Variants in HEMK2 observed in about 807,000 individuals in gnomAD.
HEMK2 encodes the protein methyltransferase HEMK2.
the HEMK2 span, among the ~76,000 whole-genome samples, chr21:28,639,665 T>C: frequency 6.6e-6 from 1 of 152,220 alleles, no homozygotes; most frequent in East Asian, 1.9e-4. Context: ...CCGAGTATCA[T>C]CTATATGACT....
chr21:28,860,070 T>C, the HEMK2 span, among the ~76,000 whole-genome samples: 1 of 152,154 alleles, frequency 6.6e-6, no homozygotes, highest in Non-Finnish European at 1.5e-5. Flanking sequence ...CGATGGTTAA[T>C]ACTGAGTGTC....
At chr21:28,837,170 T>A in the HEMK2 span, among the ~76,000 whole-genome samples, 1 of 152,198 alleles carries the variant, frequency 6.6e-6, no homozygotes, top group African/African-American at 2.4e-5. Context: ...ACAATGGATT[T>A]AAACTATACT....
At chr21:28,607,559 A>G in the HEMK2 span, among the ~76,000 whole-genome samples, 9 of 152,212 alleles carry the variant, frequency 5.9e-5, no homozygotes, top group African/African-American at 2.2e-4. Context: ...ATCCATGCAA[A>G]TATATGACTC....
At chr21:28,833,181 A>G in the HEMK2 span, among the ~76,000 whole-genome samples, 1 of 151,428 alleles carries the variant, frequency 6.6e-6, no homozygotes, top group Non-Finnish European at 1.5e-5. Context: ...ATCCTCTTCT[A>G]TGCAAAAGAA....
the HEMK2 span, among the ~76,000 whole-genome samples, chr21:28,809,030 A>G: frequency 6.6e-6 from 1 of 152,218 alleles, no homozygotes; most frequent in Non-Finnish European, 1.5e-5. Context: ...GCAATAAAGC[A>G]AAATAAAATT....
the HEMK2 span, among the ~76,000 whole-genome samples, chr21:28,722,232 G>T: frequency 6.6e-6 from 1 of 151,524 alleles, no homozygotes; most frequent in Non-Finnish European, 1.5e-5. Flanking sequence ...TGATAAAAGA[G>T]AATACAAAAA....
At chr21:28,691,972 A>C in the HEMK2 span, among the ~76,000 whole-genome samples, 1 of 152,368 alleles carries the variant, frequency 6.6e-6, no homozygotes, top group East Asian at 1.9e-4. Context: ...ACAGAAATGC[A>C]GGAAGCTACT....
chr21:28,771,351 T>C, the HEMK2 span, among the ~76,000 whole-genome samples: 1 of 152,158 alleles, frequency 6.6e-6, no homozygotes, highest in Admixed American at 6.5e-5. Flanking sequence ...CTAGGTCAAA[T>C]GTTCTCAACC....
the HEMK2 span, among the ~76,000 whole-genome samples, chr21:28,578,971 C>T: frequency 6.6e-6 from 1 of 152,144 alleles, no homozygotes; most frequent in Non-Finnish European, 1.5e-5. Flanking sequence ...GGAAAATTGT[C>T]TAAGAGTTGG....
chr21:28,603,053 C>T, the HEMK2 span, among the ~76,000 whole-genome samples: 1 of 152,204 alleles, frequency 6.6e-6, no homozygotes, highest in East Asian at 1.9e-4. Flanking sequence ...ATGGTGAATT[C>T]TCATCTCAAG....
At chr21:28,684,966 T>C in the HEMK2 span, among the ~76,000 whole-genome samples, 2 of 152,230 alleles carry the variant, frequency 1.3e-5, no homozygotes, top group Non-Finnish European at 2.9e-5. Flanking sequence ...AATGTACTAT[T>C]GCAATAGGGA....
the HEMK2 span, among the ~76,000 whole-genome samples, chr21:28,715,303 TA>T: frequency 6.6e-6 from 1 of 152,078 alleles, no homozygotes; most frequent in African/African-American, 2.4e-5. Flanking sequence ...AAGCATCTGT[TA>T]TTTTTTTTTT....
At chr21:28,705,298 A>G in the HEMK2 span, among the ~76,000 whole-genome samples, 1 of 151,622 alleles carries the variant, frequency 6.6e-6, no homozygotes, top group Admixed American at 6.6e-5. Context: ...AATTTCATTG[A>G]TTTGAATAAT....
chr21:28,636,802 T>C, the HEMK2 span, among the ~76,000 whole-genome samples: 1 of 152,200 alleles, frequency 6.6e-6, no homozygotes, highest in Non-Finnish European at 1.5e-5. Context: ...TGCTGTCTCA[T>C]TTGTAATCAG....
the HEMK2 span, among the ~76,000 whole-genome samples, chr21:28,729,076 CA>C: frequency 6.6e-6 from 1 of 152,200 alleles, no homozygotes; most frequent in African/African-American, 2.4e-5. Context: ...AAAGGGCACC[CA>C]AATACTTGTG....
chr21:28,825,195 A>G, the HEMK2 span, among the ~76,000 whole-genome samples: 1 of 152,088 alleles, frequency 6.6e-6, no homozygotes, highest in Non-Finnish European at 1.5e-5. Context: ...GGGCTCTCAA[A>G]CTTGAGTGTG....
At chr21:28,662,976 T>C in the HEMK2 span, among the ~76,000 whole-genome samples, 1 of 152,136 alleles carries the variant, frequency 6.6e-6, no homozygotes. Context: ...AGAAAAAGCA[T>C]ACCTCTGAGA....
chr21:28,635,353 C>T, the HEMK2 span, among the ~76,000 whole-genome samples: 1 of 152,024 alleles, frequency 6.6e-6, no homozygotes, highest in African/African-American at 2.4e-5. Context: ...CTGCCCACCT[C>T]GGACTCCCAA....
chr21:28,840,092 A>C, the HEMK2 span, among the ~76,000 whole-genome samples: 1 of 152,216 alleles, frequency 6.6e-6, no homozygotes, highest in Non-Finnish European at 1.5e-5. Context: ...TCTTTGACAA[A>C]GTAAACAAAA....
Sources: gnomAD v4.1 joint callset for allele counts (sites outside exome capture counted in the v4.1 genomes callset) on GRCh38, gnomAD v4.1.1 for gene constraint, MANE v1.5 for transcripts, NCBI Gene and HGNC (gene_info 2026-07-23, HGNC 2026-07-21) for gene names.